ST8SIA6: variants seen among roughly 807,000 people sequenced by gnomAD.
ST8SIA6 encodes the protein alpha-2,8-sialyltransferase 8F.
Under a neutral mutation model 33.6 loss-of-function variants are expected in ST8SIA6, and 39 were observed. That is an observed-to-expected ratio of 1.16 (90% confidence interval 0.90 to 1.52). The LOEUF (loss-of-function observed/expected upper bound fraction) is 1.52. Ranked by LOEUF, ST8SIA6 falls within the 40% of genes most tolerant of loss-of-function variation. The pLI, the probability that ST8SIA6 is intolerant of heterozygous loss-of-function variation, is 0.00. For missense variants in ST8SIA6, 441 were observed against 443.8 expected (o/e 0.99, Z 0.06); for synonymous variants, 172 against 167.2 (o/e 1.03, Z -0.22).
Position 17,347,953 on chromosome 10 carries a change from C to CAAAAA in ST8SIA6, c.377+11556_377+11560dup, listed in dbSNP as rs55996465. The stretch of plus-strand genomic sequence containing the variant: ...CCTAGGCGATGGTGAGACTCTGTCT[C>CAAAAA]AAAAAAAAAAAAAAAAAAAAAATTA... On this transcript the variant is annotated intron_variant, in intron 4 of 7. Coordinates refer to ENST00000377602, the MANE Select transcript of ST8SIA6 (RefSeq NM_001004470.3). 3.8e-3 allele frequency among the ~76,000 whole-genome samples: 264 copies of CAAAAA among 68,618 alleles called. 4 individuals carry two copies. Among genetic ancestry groups the CAAAAA allele is most frequent in the African/African-American group, 0.011 (196 of 18,374 alleles). The allele number at this position is 68,618 out of a possible 152,430, so 45.0% of individuals were successfully genotyped here. A position where few individuals can be genotyped will look rare whatever the true frequency, so the allele number is the denominator to read the frequency against.
intron 4 of ST8SIA6, among the ~76,000 whole-genome samples, chr10:17,338,285 G>A (rs1027024590): frequency 9.2e-5 from 14 of 152,226 alleles, no homozygotes; most frequent in East Asian, 1.9e-4. Flanking sequence ...CGCTCGCCTC[G>A]GCCTCCCAAA....
At chr10:17,420,543 A>G (rs1851749349) in intron 2 of ST8SIA6, among the ~76,000 whole-genome samples, 1 of 152,278 alleles carries the variant, frequency 6.6e-6, no homozygotes, top group South Asian at 2.1e-4. Context: ...TCTAGAGACT[A>G]GATACTCATG....
intron 4 of ST8SIA6, among the ~76,000 whole-genome samples, chr10:17,355,057 CACA>C (rs1849151248): frequency 6.6e-6 from 1 of 152,174 alleles, no homozygotes; most frequent in Non-Finnish European, 1.5e-5. Flanking sequence ...CCCCTCGTAG[CACA>C]ACAAGAAAGT....
rs1564405142 is a variant in ST8SIA6, at chr10:17,333,715, A to ATTTT, written c.378-2164_378-2163insAAAA. ...TATATATATATATATATATATATAT[A>ATTTT]TATTTTTTTTTTTTTTTTTTTTTTT... On this transcript the variant is annotated intron_variant, in intron 4 of 7. Coordinates refer to ENST00000377602, the MANE Select transcript of ST8SIA6 (RefSeq NM_001004470.3). Among the ~76,000 whole-genome samples, 53 of 35,410 alleles carry ATTTT rather than the reference A, an allele frequency of 1.5e-3. 1 individual carries two copies. Among genetic ancestry groups the ATTTT allele is most frequent in the African/African-American group, 5.1e-3 (23 of 4,530 alleles). The allele number at this position is 35,410 out of a possible 152,430, so 23.2% of individuals were successfully genotyped here.
chr10:17,411,997 C>A (rs1851467494), intron 2 of ST8SIA6, among the ~76,000 whole-genome samples: 4 of 151,998 alleles, frequency 2.6e-5, no homozygotes, highest in South Asian at 4.1e-4. Flanking sequence ...CCAGCCTGTT[C>A]AAATGGCTGC....
chr10:17,412,373 A>G (rs1851481203), intron 2 of ST8SIA6, among the ~76,000 whole-genome samples: 1 of 152,154 alleles, frequency 6.6e-6, no homozygotes. Context: ...ATCCAATCAA[A>G]GGCACTAAAG....
Position 17,316,366 on chromosome 10 carries a change from C to T in ST8SIA6, c.*4512G>A, listed in dbSNP as rs955147942. 1.3e-5 allele frequency among the ~76,000 whole-genome samples: 2 copies of T among 152,032 alleles called. No individual in the cohort carries two copies. The highest frequency in any genetic ancestry group is 6.6e-5 in the Admixed American group (1 of 15,256). ...TGCTTCTAACTGCTGTATCATATTC[C>T]ACACTATGGATCCAGTCAAGTTAGT... On this transcript the variant is annotated 3_prime_UTR_variant, in exon 8 of 8. Coordinates refer to ENST00000377602, the MANE Select transcript of ST8SIA6 (RefSeq NM_001004470.3).
At chr10:17,426,965 G>A (rs1435658681) in intron 2 of ST8SIA6, among the ~76,000 whole-genome samples, 1 of 152,132 alleles carries the variant, frequency 6.6e-6, no homozygotes. Flanking sequence ...AGCCAGGCAT[G>A]GTGGTGTGCA....
rs76810299 is a variant in ST8SIA6, at chr10:17,430,466, GT to G, written c.200+23092del. Among the ~76,000 whole-genome samples, 46 of 152,300 alleles carry G rather than the reference GT, an allele frequency of 3.0e-4. No homozygotes were observed. The East Asian group carries it at 8.3e-3, about 27-fold the overall frequency. The stretch of plus-strand genomic sequence containing the variant: ...CCACTTTTAGTGGAATCTTCACGCT[GT>G]TTTCCATAAAAGCTGTACTAATTTG... On this transcript the variant is annotated intron_variant, in intron 2 of 7. Coordinates refer to ENST00000377602, the MANE Select transcript of ST8SIA6 (RefSeq NM_001004470.3).
chr10:17,418,395 A>T (rs531647593), intron 2 of ST8SIA6, among the ~76,000 whole-genome samples: 6 of 152,078 alleles, frequency 3.9e-5, no homozygotes, highest in African/African-American at 1.2e-4. Flanking sequence ...AAGGACACAA[A>T]TTTTTTTTCT....
intron 4 of ST8SIA6, among the ~76,000 whole-genome samples, chr10:17,338,595 C>G (rs1848577109): frequency 6.6e-6 from 1 of 152,176 alleles, no homozygotes; most frequent in South Asian, 2.1e-4. Flanking sequence ...TACCTAGACT[C>G]AATTCAAAGG....
intron 2 of ST8SIA6, among the ~76,000 whole-genome samples, chr10:17,429,403 C>G (rs1852032517): frequency 6.6e-6 from 1 of 151,510 alleles, no homozygotes; most frequent in Non-Finnish European, 1.5e-5. Flanking sequence ...ACTTGCTGTT[C>G]CTTCTGCTTG....
chr10:17,441,357 G>T (rs975783728), intron 2 of ST8SIA6, among the ~76,000 whole-genome samples: 6 of 143,554 alleles, frequency 4.2e-5, no homozygotes, highest in African/African-American at 1.7e-4. Context: ...TCGTTTCCCA[G>T]GCTGGAGTGC....
At position 17,378,853 on chromosome 10, in the gene ST8SIA6, A is replaced by G. The variant is rs191270787; in HGVS notation, c.290+11678T>C. Among the ~76,000 whole-genome samples, 811 of 152,264 alleles carry G rather than the reference A, an allele frequency of 5.3e-3. 9 individuals are homozygous for G. The highest frequency in any genetic ancestry group is 0.018 in the African/African-American group (768 of 41,542). ...TAAAGGAGGGACTTTTCAGCCAGGC[A>G]CGGTGGCTCACACCTGTAATCCCAA... is the stretch of plus-strand genomic sequence containing the variant. On this transcript the variant is annotated intron_variant, in intron 3 of 7. Transcript: ENST00000377602.
intron 4 of ST8SIA6, among the ~76,000 whole-genome samples, chr10:17,333,602 T>A (rs939517801): frequency 1.1e-4 from 15 of 140,684 alleles, no homozygotes; most frequent in South Asian, 2.4e-4. Flanking sequence ...TCTACAACCA[T>A]CTGATCTTTG....
intron 4 of ST8SIA6, among the ~76,000 whole-genome samples, chr10:17,354,260 C>G (rs1849123430): frequency 6.6e-6 from 1 of 152,116 alleles, no homozygotes; most frequent in African/African-American, 2.4e-5. Context: ...CAATGTTATT[C>G]TCAAATAGCT....
rs191595801 is a variant in ST8SIA6, at chr10:17,434,046, C to T, written c.200+19513G>A. 4.4e-4 allele frequency among the ~76,000 whole-genome samples: 67 copies of T among 152,278 alleles called. 1 individual carries two copies. The highest frequency in any genetic ancestry group is 3.4e-3 in the Middle Eastern group (1 of 294). ...CAAGACTCAAAACAGGCACTTGTAC[C>T]TGTTTAGCCTCCCCTGGCTTCTCTC... On this transcript the variant is annotated intron_variant, in intron 2 of 7. Coordinates refer to ENST00000377602, the MANE Select transcript of ST8SIA6 (RefSeq NM_001004470.3).
At chr10:17,379,846 A>G (rs1261992487) in intron 3 of ST8SIA6, among the ~76,000 whole-genome samples, 1 of 152,112 alleles carries the variant, frequency 6.6e-6, no homozygotes, top group Admixed American at 6.5e-5. Flanking sequence ...AAAACTTTCT[A>G]AATTAACTGA....
chr10:17,362,620 G>T (rs1444526), intron 3 of ST8SIA6, among the ~76,000 whole-genome samples: 56,177 of 151,922 alleles, frequency 0.37, 10,618 homozygotes, highest in East Asian at 0.6. Context: ...TCTTGGTCTC[G>T]TCCTTCCCCT....
Sources: allele counts gnomAD v4.1 joint callset (sites outside exome capture counted in the v4.1 genomes callset), GRCh38; gene constraint gnomAD v4.1.1; transcripts MANE v1.5; gene names NCBI Gene and HGNC (gene_info 2026-07-23, HGNC 2026-07-21).